TTI1: variants seen among roughly 807,000 people sequenced by gnomAD.
TTI1 encodes the protein TELO2 interacting protein 1.
Under a neutral mutation model 85.4 loss-of-function variants are expected in TTI1, and 52 were observed. The observed-to-expected ratio is 0.61, with a 90% CI of 0.49 to 0.77. The LOEUF (loss-of-function observed/expected upper bound fraction) is 0.77. Ranked by LOEUF, TTI1 falls within the 30% of genes least tolerant of loss-of-function variation. TTI1 has a pLI of 0.00. For missense variants in TTI1, 1,173 were observed against 1,296.0 expected, an observed-to-expected ratio of 0.91 and a Z score of 1.46; for synonymous variants, 512 against 503.9, an observed-to-expected ratio of 1.02 and a Z score of -0.22.
chr20:38,001,085 C>T (rs1600621562), intron 4 of TTI1, among the ~76,000 whole-genome samples: 1 of 152,272 alleles, frequency 6.6e-6, no homozygotes, highest in East Asian at 1.9e-4. Flanking sequence ...TGTGTATTGC[C>T]TCTCTCCCCA....
In TTI1 at chr20:37,983,471, G is replaced by C; in HGVS notation, c.3255C>G (p.Leu1085=). The C allele has an allele frequency of 6.2e-7, 1 of 1,610,746 alleles. No individual in the cohort carries two copies. The highest frequency in any genetic ancestry group is 8.5e-7 in the Non-Finnish European group (1 of 1,179,640). ...NPYTTNVLQL[L]KELQ is the part of the protein sequence containing the mutation. ...GGGAGCAGGGTCACTGCAGCTCCTT[G>C]AGCAGCTGGAGCACGTTGGTCGTGT... The change falls in exon 8 of 8, where the codon CTC becomes CTG. Residue 1085 remains leucine (L), a synonymous_variant. Transcript: ENST00000373447.
Position 38,013,496 on chromosome 20 carries a change from G to C in TTI1, c.321C>G (p.Pro107=). The C allele has an allele frequency of 6.2e-7, 1 of 1,614,062 alleles. No individual in the cohort carries two copies. The highest frequency in any genetic ancestry group is 8.5e-7 in the Non-Finnish European group (1 of 1,180,038). The change falls in exon 2 of 8, where the codon CCC becomes CCG. Residue 107 remains proline (P), a synonymous_variant. Transcript: ENST00000373447. ...ACACAGCCGCAGGTTTTTGGGAGCT[G>C]GGTGAATACAGACAAGCAGAGAGTT... ...FSELSACLYS[P]SSQKPAAVSE... is the part of the protein sequence containing the mutation.
intron 7 of TTI1, among the ~76,000 whole-genome samples, chr20:37,994,630 T>C (rs1414828550): frequency 6.6e-6 from 1 of 152,036 alleles, no homozygotes; most frequent in African/African-American, 2.4e-5. Flanking sequence ...TTTCCCAACT[T>C]CAAGATAAGT....
chr20:38,020,319 A>ATATATAT (rs1555795761), intron 1 of TTI1, among the ~76,000 whole-genome samples: 5 of 44,164 alleles, frequency 1.1e-4, no homozygotes, highest in African/African-American at 6.3e-4. Flanking sequence ...TGAAAAAAAA[A>ATATATAT]AAAAATATAT....
chr20:38,029,612 T>A (rs1001948921), intron 1 of TTI1, among the ~76,000 whole-genome samples: 2 of 151,540 alleles, frequency 1.3e-5, no homozygotes, highest in African/African-American at 4.9e-5. Flanking sequence ...GACGAGACAC[T>A]GATACTGGAA....
At position 37,999,278 on chromosome 20, in the gene TTI1, G is replaced by T. The variant is rs201440713; in HGVS notation, c.2703C>A (p.Asn901Lys). 1 of 1,524,608 alleles carries T rather than the reference G, an allele frequency of 6.6e-7. No homozygotes were observed. 94.4% of individuals were successfully genotyped at this position (1,524,608 alleles called of 1,614,324 possible). The change falls in exon 5 of 8, where the codon AAC becomes AAA. Residue 901 changes from asparagine (N) to lysine (K), a missense_variant. Coordinates refer to ENST00000373447, the MANE Select transcript of TTI1 (RefSeq NM_001303457.2). Reference protein sequence around the residue: ...LCVVVLQSHKNQLLPLAHQAW... With the variant: ...LCVVVLQSHKKQLLPLAHQAW... ...CCTGATGAGCCAAGGGAAGCAGCTGGTTTTTGTGGGACTGAAGAACAACCA... is the reference window on the plus strand; with the variant it reads ...CCTGATGAGCCAAGGGAAGCAGCTGTTTTTTGTGGGACTGAAGAACAACCA...
rs145783852 is a variant in TTI1, at chr20:38,019,621, A to G, written c.-41-5764T>C. 2.8e-4 allele frequency among the ~76,000 whole-genome samples: 42 copies of G among 152,382 alleles called. No homozygotes were observed. In the East Asian group the frequency reaches 7.9e-3, roughly 29 times the overall value. ...TTTTTGATTAATCAAAAAAAGGGCA[A>G]AAATGCAAAAAAAAAGAAATAAAAC... On this transcript the variant is annotated intron_variant, in intron 1 of 7. Coordinates refer to ENST00000373447, the MANE Select transcript of TTI1 (RefSeq NM_001303457.2).
In TTI1 at chr20:38,012,031, T is replaced by G. The variant is rs1213138061; in HGVS notation, c.1786A>C (p.Thr596Pro). 1.9e-6 allele frequency: 3 copies of G among 1,614,148 alleles called. No individual in the cohort carries two copies. The highest frequency in any genetic ancestry group is 2.2e-5 in the South Asian group (2 of 91,096). The change falls in exon 2 of 8, where the codon ACG becomes CCG. Residue 596 changes from threonine (T) to proline (P), a missense_variant. Thr to Pro is a conservative substitution (Grantham distance 38). Transcript: ENST00000373447. ...ACTTGGCAGGTGTGTTCACCAGACG[T>G]GATGGCTTGGAGGCCTGGGTGCTCC... ...MMEHPGLQAI[T>P]SGEHTCQVTS... is the part of the protein sequence containing the mutation.
At chr20:38,017,445 CCTTTGGTGT>C (rs2073700963) in intron 1 of TTI1, among the ~76,000 whole-genome samples, 1 of 147,306 alleles carries the variant, frequency 6.8e-6, no homozygotes, top group African/African-American at 2.5e-5. Context: ...TGCGCGCGCG[CCTTTGGTGT>C]GTGCGCACGA....
At chr20:38,028,426 C>A (rs2073862606) in intron 1 of TTI1, among the ~76,000 whole-genome samples, 1 of 152,112 alleles carries the variant, frequency 6.6e-6, no homozygotes, top group Non-Finnish European at 1.5e-5. Context: ...AAAAAAATTA[C>A]CAGAGACAGA....
At chr20:37,995,880 G>T (rs1322732667) in intron 7 of TTI1, among the ~76,000 whole-genome samples, 2 of 152,184 alleles carry the variant, frequency 1.3e-5, no homozygotes, top group African/African-American at 2.4e-5. Flanking sequence ...ACCTATGAAT[G>T]GTTCCTATTA....
rs1051058115 is a variant in TTI1 at position 38,000,675 on chromosome 20, G to A, written c.2653-1347C>T. ...GAGGGGTGAATAATTAGGCCAGGGA[G>A]TAAGAGAAAGCTCAGCTGCACAGTG... is the stretch of plus-strand genomic sequence containing the variant. On this transcript the variant is annotated intron_variant, in intron 4 of 7. Transcript: ENST00000373447. Among the ~76,000 whole-genome samples the A allele has an allele frequency of 5.3e-5, 8 of 152,246 alleles. No homozygotes were observed. The South Asian group carries it at 8.3e-4, about 16-fold the overall frequency.
chr20:38,026,582 T>C (rs1303933623), intron 1 of TTI1, among the ~76,000 whole-genome samples: 1 of 151,912 alleles, frequency 6.6e-6, no homozygotes, highest in African/African-American at 2.4e-5. Context: ...CAGCAAAAAA[T>C]GTGCATCAGG....
At chr20:38,025,315 C>G (rs1054530659) in intron 1 of TTI1, among the ~76,000 whole-genome samples, 1 of 152,028 alleles carries the variant, frequency 6.6e-6, no homozygotes, top group Non-Finnish European at 1.5e-5. Context: ...ACACCTGTAA[C>G]CCGAGCACTT....
rs75222366 is a variant in TTI1, at chr20:38,020,080, T to G, written c.-41-6223A>C. On this transcript the variant is annotated intron_variant, in intron 1 of 7. Transcript: ENST00000373447. ...AAAAGACAATCTTCAAAAATAAGAA[T>G]GCAGTTACAGAACTTACACTAACTG... Among the ~76,000 whole-genome samples the G allele has an allele frequency of 6.7e-3, 1,025 of 152,048 alleles. 15 individuals carry two copies. Among genetic ancestry groups the G allele is most frequent in the African/African-American group, 0.023 (961 of 41,460 alleles).
chr20:37,998,986 CT>C (rs1448960957), intron 5 of TTI1, among the ~76,000 whole-genome samples: 1 of 152,190 alleles, frequency 6.6e-6, no homozygotes, highest in Non-Finnish European at 1.5e-5. Context: ...ACTGCCTGGC[CT>C]TTTCATCTAC....
rs1229268305 is a variant in TTI1, at chr20:38,013,109, T to C, written c.708A>G (p.Leu236=). The C allele has an allele frequency of 6.2e-7, 1 of 1,614,048 alleles. No homozygotes were observed. The highest frequency in any genetic ancestry group is 2.2e-5 in the East Asian group (1 of 44,896). Residue 236 remains leucine, a synonymous_variant, in exon 2 of 8, where the codon CTA becomes CTG. Coordinates refer to ENST00000373447, the MANE Select transcript of TTI1 (RefSeq NM_001303457.2). ...KQGHSIVVSS[L]KIFYKTVSFI... is the part of the protein sequence containing the mutation. ...AGCTCACTGTCTTGTAAAAGATCTTTAGGGAAGATACGACAATGCTGTGAC... is the reference window on the plus strand; with the variant it reads ...AGCTCACTGTCTTGTAAAAGATCTTCAGGGAAGATACGACAATGCTGTGAC...
At chr20:38,017,404 T>TTGTG (rs66542554) in intron 1 of TTI1, among the ~76,000 whole-genome samples, 6,782 of 146,156 alleles carry the variant, frequency 0.046, 345 homozygotes, top group African/African-American at 0.13. Flanking sequence ...AATCAATAGC[T>TTGTG]TGTGTGTGTG....
chr20:38,011,778 C>T lies in TTI1; in HGVS notation c.2039G>A (p.Arg680His), dbSNP rs749138520. Residue 680 changes from arginine (R) to histidine (H), a missense_variant, in exon 2 of 8, where the codon CGT becomes CAT. Physicochemically the swap from Arg to His is conservative, Grantham distance 29 (BLOSUM62 0). Transcript: ENST00000373447. ...VATSTMMDVC[R>H]ACGYDSLQHL... ...CTGCAGGGAGTCGTAGCCACAAGCA[C>T]GGCAAACGTCCATCATGGTGCTGGT... is the stretch of plus-strand genomic sequence containing the variant. 15 of 1,614,078 alleles carry T rather than the reference C, an allele frequency of 9.3e-6. No homozygotes were observed. The highest frequency in any genetic ancestry group is 3.3e-5 in the Admixed American group (2 of 60,010).
Sources: gnomAD v4.1 joint callset for allele counts (sites outside exome capture counted in the v4.1 genomes callset) on GRCh38, gnomAD v4.1.1 for gene constraint, MANE v1.5 for transcripts, NCBI Gene and HGNC (gene_info 2026-07-23, HGNC 2026-07-21) for gene names.